GUCY1A2: variants seen among roughly 807,000 people sequenced by gnomAD.
GUCY1A2 encodes guanylate cyclase soluble subunit alpha-2.
GUCY1A2 carries 27 observed loss-of-function variants against 63.5 expected under a neutral mutation model. That is an observed-to-expected ratio of 0.43 (90% CI 0.31 to 0.59). GUCY1A2 has a LOEUF of 0.59. GUCY1A2 is among the 20% of genes least tolerant of loss of function. The pLI is 0.11. For synonymous variants in GUCY1A2, 364 were observed against 343.5 expected, an observed-to-expected ratio of 1.06 and a Z score of -0.66; for missense variants, 768 against 913.3, an observed-to-expected ratio of 0.84 and a Z score of 2.05.
At chr11:106,950,375 C>T (rs1860889485) in intron 3 of GUCY1A2, among the ~76,000 whole-genome samples, 2 of 152,194 alleles carry the variant, frequency 1.3e-5, no homozygotes, top group Non-Finnish European at 1.5e-5. Flanking sequence ...GGTGCAGAGT[C>T]AAAGAATGAG....
At chr11:106,741,098 G>A (rs1194792979) in intron 6 of GUCY1A2, among the ~76,000 whole-genome samples, 4 of 152,174 alleles carry the variant, frequency 2.6e-5, no homozygotes, top group Admixed American at 2.0e-4. Context: ...TCAGATGTAG[G>A]AGATGTACAC....
intron 4 of GUCY1A2, among the ~76,000 whole-genome samples, chr11:106,868,545 A>T (rs1422054415): frequency 6.6e-6 from 1 of 152,170 alleles, no homozygotes; most frequent in Non-Finnish European, 1.5e-5. Context: ...AATCCAACTT[A>T]CAAGGGATGT....
intron 4 of GUCY1A2, among the ~76,000 whole-genome samples, chr11:106,938,155 G>T (rs1052195185): frequency 1.3e-5 from 2 of 152,038 alleles, no homozygotes; most frequent in African/African-American, 4.8e-5. Context: ...GGCCAGGCTG[G>T]TCTCAAACTC....
chr11:106,944,166 G>GATCATACC (rs1340427411), intron 3 of GUCY1A2, among the ~76,000 whole-genome samples: 3 of 116,676 alleles, frequency 2.6e-5, no homozygotes, highest in African/African-American at 1.0e-4. Flanking sequence ...AGTGACCCGT[G>GATCATACC]ATCATACCAC....
In GUCY1A2 at chr11:106,705,808, G is replaced by A. The variant is rs533188252; in HGVS notation, c.1991+2704C>T. ...CCGGGAGGCGGAGGTTGCAGTGAGC[G>A]GAGATTGTGCCACTGCACTCCATCC... On this transcript the variant is annotated intron_variant, in intron 7 of 7. Transcript: ENST00000526355. Among the ~76,000 whole-genome samples, 111 of 152,080 alleles carry A rather than the reference G, an allele frequency of 7.3e-4. No homozygotes were observed. The Middle Eastern group carries it at 0.01, about 14-fold the overall frequency.
At chr11:106,951,625 TA>T (rs1860910529) in intron 3 of GUCY1A2, among the ~76,000 whole-genome samples, 1 of 152,240 alleles carries the variant, frequency 6.6e-6, no homozygotes, top group Non-Finnish European at 1.5e-5. Context: ...AAGTTCCCGG[TA>T]AATTCTGGAT....
intron 7 of GUCY1A2, among the ~76,000 whole-genome samples, chr11:106,696,723 T>C (rs1862726370): frequency 6.6e-6 from 1 of 152,162 alleles, no homozygotes; most frequent in South Asian, 2.1e-4. Context: ...ACTTTTTTCC[T>C]TTTCTTTAAG....
At chr11:106,743,187 G>A (rs1449360627) in intron 6 of GUCY1A2, among the ~76,000 whole-genome samples, 6 of 151,930 alleles carry the variant, frequency 3.9e-5, no homozygotes, top group South Asian at 2.1e-4. Context: ...CAGCTTTCAC[G>A]TGACTCCTAT....
chr11:106,800,016 A>G (rs188199662), intron 5 of GUCY1A2, among the ~76,000 whole-genome samples: 1,896 of 152,314 alleles, frequency 0.012, 82 homozygotes, highest in Admixed American at 0.074. Flanking sequence ...AATATCCAGA[A>G]TCTACAAAGA....
rs997340284 is a variant in GUCY1A2, at chr11:106,708,746, T to TTAA, written c.1837-83_1837-81dup. 105 of 785,550 alleles carry TTAA rather than the reference T, an allele frequency of 1.3e-4. No individual in the cohort carries two copies. In the African/African-American group the frequency reaches 1.5e-3, roughly 11 times the overall value. The allele number at this position is 785,550 out of a possible 1,614,324, so 48.7% of individuals were successfully genotyped here. A position where few individuals can be genotyped will look rare whatever the true frequency, so the allele number is the denominator to read the frequency against. ...TTATTTTAATGAAAGGCACTGCTAA[T>TTAA]TAATAATAATAATAATAAAAAAAAA... On this transcript the variant is annotated intron_variant, in intron 6 of 7. Coordinates refer to ENST00000526355, the MANE Select transcript of GUCY1A2 (RefSeq NM_000855.3).
intron 4 of GUCY1A2, among the ~76,000 whole-genome samples, chr11:106,876,702 T>G (rs1251690813): frequency 6.6e-6 from 1 of 152,162 alleles, no homozygotes. Context: ...TATACCAGCC[T>G]GCTTAGCAAT....
chr11:106,731,575 A>G (rs754631711), intron 6 of GUCY1A2, among the ~76,000 whole-genome samples: 35 of 152,150 alleles, frequency 2.3e-4, no homozygotes, highest in Non-Finnish European at 4.6e-4. Context: ...GCATCCAAAT[A>G]GGAAGAGAGG....
At chr11:106,889,868 A>G (rs1259737882) in intron 4 of GUCY1A2, among the ~76,000 whole-genome samples, 1 of 152,224 alleles carries the variant, frequency 6.6e-6, no homozygotes, top group Non-Finnish European at 1.5e-5. Flanking sequence ...AATGTATTTC[A>G]GAGGGTTCTT....
chr11:106,746,994 T>A (rs1461278003), intron 6 of GUCY1A2, among the ~76,000 whole-genome samples: 1 of 152,026 alleles, frequency 6.6e-6, no homozygotes, highest in East Asian at 1.9e-4. Context: ...GTTTTTTTTG[T>A]TTGTTTGTTT....
chr11:106,823,270 A>T (rs751116328), intron 4 of GUCY1A2, among the ~76,000 whole-genome samples: 5 of 152,048 alleles, frequency 3.3e-5, no homozygotes, highest in African/African-American at 4.8e-5. Flanking sequence ...TGGAGTACCC[A>T]CTGTCTACTA....
intron 1 of GUCY1A2, among the ~76,000 whole-genome samples, chr11:106,997,629 C>T (rs369551890): frequency 5.7e-5 from 8 of 140,632 alleles, no homozygotes; most frequent in Admixed American, 1.4e-4. Context: ...CCCCCCCCCC[C>T]ACCCGAGCAA....
chr11:106,873,882 T>C (rs1300591490), intron 4 of GUCY1A2, among the ~76,000 whole-genome samples: 2 of 152,168 alleles, frequency 1.3e-5, no homozygotes, highest in East Asian at 1.9e-4. Context: ...TGTTAATAAT[T>C]ATCCAAATTG....
intron 4 of GUCY1A2, among the ~76,000 whole-genome samples, chr11:106,914,045 A>T (rs1591325561): frequency 6.7e-6 from 1 of 149,418 alleles, no homozygotes; most frequent in Non-Finnish European, 1.5e-5. Flanking sequence ...AGAGGGAGGG[A>T]GGCAGGGAGG....
At chr11:106,754,892 C>T (rs371599889) in intron 6 of GUCY1A2, among the ~76,000 whole-genome samples, 1 of 152,134 alleles carries the variant, frequency 6.6e-6, no homozygotes, top group South Asian at 2.1e-4. Context: ...GGAGGATTCC[C>T]TCTTTTTCTA....
Sources: allele counts gnomAD v4.1 joint callset (sites outside exome capture counted in the v4.1 genomes callset), GRCh38; gene constraint gnomAD v4.1.1; transcripts MANE v1.5; gene names NCBI Gene and HGNC (gene_info 2026-07-23, HGNC 2026-07-21).